Variants in GABRA3 observed in about 807,000 individuals in gnomAD.
The protein encoded by GABRA3 is gamma-aminobutyric acid type A receptor subunit alpha3.
A neutral mutation model predicts 30.1 loss-of-function variants in GABRA3; 10 were observed. The observed-to-expected ratio is 0.33, with a 90% confidence interval of 0.20 to 0.56. The LOEUF is 0.56. Ranked by LOEUF, GABRA3 falls within the 20% of genes least tolerant of loss-of-function variation. The pLI, the probability that GABRA3 is intolerant of heterozygous loss-of-function variation, is 0.89. For synonymous variants in GABRA3, 151 were observed against 146.8 expected (o/e 1.03, Z -0.21); for missense variants, 233 against 392.0 (o/e 0.59, Z 3.42).
rs150831540 is a variant in GABRA3, at chrX:152,192,746, G to T, written c.932-2805C>A. ...CCTCAGACACTACCACAAGGGCAAG[G>T]ATATTTGTTAATTCACTTTCAGTCA... On this transcript the variant is annotated intron_variant, in intron 8 of 9. Coordinates refer to ENST00000370314, the MANE Select transcript of GABRA3 (RefSeq NM_000808.4). 9.3e-3 allele frequency among the ~76,000 whole-genome samples: 1,035 copies of T among 111,231 alleles called. 4 individuals are homozygous for T. The highest frequency in any genetic ancestry group is 0.028 in the Middle Eastern group (6 of 214).
chrX:152,404,256 A>C (rs912676259), intron 1 of GABRA3, among the ~76,000 whole-genome samples: 1 of 111,503 alleles, frequency 9.0e-6, no homozygotes, highest in Non-Finnish European at 1.9e-5. Context: ...ACCACAGCAG[A>C]AAATTATAAA....
At position 152,223,278 on chromosome X, in the gene GABRA3, A is replaced by G. The variant is rs950870640; in HGVS notation, c.634+1485T>C. The stretch of plus-strand genomic sequence containing the variant: ...TATAGTTGTTAATGAAGGGAACACT[A>G]TTCACCAATAAACAACTCTGTCCTA... On this transcript the variant is annotated intron_variant, in intron 6 of 9. Transcript: ENST00000370314. Among the ~76,000 whole-genome samples the G allele has an allele frequency of 4.5e-5, 5 of 111,546 alleles. No homozygotes were observed. In the East Asian group the frequency reaches 1.4e-3, roughly 32 times the overall value.
intron 9 of GABRA3, chrX:152,186,791 A>T (rs185217339): frequency 9.2e-6 from 1 of 108,370 alleles, no homozygotes; most frequent in East Asian, 3.0e-4. Flanking sequence ...CCAGATAATT[A>T]TTAATTTTTT....
intron 4 of GABRA3, among the ~76,000 whole-genome samples, chrX:152,277,932 T>C (rs1253587459): frequency 9.0e-6 from 1 of 111,605 alleles, no homozygotes; most frequent in Non-Finnish European, 1.9e-5. Context: ...TAGCAGTGTA[T>C]GGGGCCAAGG....
At chrX:152,436,522 T>C (rs1930781476) in intron 1 of GABRA3, among the ~76,000 whole-genome samples, 1 of 111,527 alleles carries the variant, frequency 9.0e-6, no homozygotes, top group African/African-American at 3.3e-5. Context: ...AGCATGTTAG[T>C]TTCAAGGTTA....
chrX:152,322,369 GT>G (rs1939977563), intron 3 of GABRA3, among the ~76,000 whole-genome samples: 1 of 111,394 alleles, frequency 9.0e-6, no homozygotes, highest in African/African-American at 3.3e-5. Context: ...TGGATAAGGG[GT>G]TTTACTTTGG....
intron 1 of GABRA3, among the ~76,000 whole-genome samples, chrX:152,411,187 T>C (rs1434632247): frequency 9.1e-6 from 1 of 110,376 alleles, no homozygotes; most frequent in Admixed American, 9.7e-5. Context: ...TGGTGGTATG[T>C]GCCCGTAGTC....
intron 3 of GABRA3, among the ~76,000 whole-genome samples, chrX:152,314,467 T>C (rs1238987410): frequency 8.9e-6 from 1 of 112,459 alleles, no homozygotes; most frequent in Non-Finnish European, 1.9e-5. Context: ...GATGGCTTCA[T>C]AACATAATTT....
chrX:152,259,310 C>A (rs935438464), intron 4 of GABRA3, among the ~76,000 whole-genome samples: 1 of 111,382 alleles, frequency 9.0e-6, no homozygotes, highest in African/African-American at 3.3e-5. Flanking sequence ...ACAAGGGCAG[C>A]AACTCGTAGG....
chrX:152,196,145 G>A (rs1361255511), intron 8 of GABRA3, among the ~76,000 whole-genome samples: 1 of 107,750 alleles, frequency 9.3e-6, no homozygotes, highest in African/African-American at 3.4e-5. Flanking sequence ...AGCACTTTGG[G>A]AGGCTGAGAT....
At chrX:152,287,747 A>G (rs776715114) in intron 3 of GABRA3, among the ~76,000 whole-genome samples, 5 of 110,282 alleles carry the variant, frequency 4.5e-5, no homozygotes, top group Non-Finnish European at 7.6e-5. Flanking sequence ...TGCCTCCTCC[A>G]ATCCTCTTCT....
chrX:152,309,903 G>A (rs1202055830), intron 3 of GABRA3, among the ~76,000 whole-genome samples: 1 of 111,981 alleles, frequency 8.9e-6, no homozygotes, highest in African/African-American at 3.2e-5. Flanking sequence ...CACATGCAGT[G>A]ACACTCATAG....
chrX:152,174,151 T>C (rs1451221256), intron 9 of GABRA3, among the ~76,000 whole-genome samples: 1 of 111,300 alleles, frequency 9.0e-6, no homozygotes, highest in Admixed American at 9.5e-5. Context: ...TAGTATTCCA[T>C]GGTGTATATG....
intron 1 of GABRA3, chrX:152,393,461 A>G: frequency 2.6e-6 from 1 of 380,954 alleles, no homozygotes; most frequent in Non-Finnish European, 5.2e-6. Flanking sequence ...ACCATGGGGT[A>G]TGAGCAGACA....
intron 1 of GABRA3, among the ~76,000 whole-genome samples, chrX:152,406,013 G>A (rs1929926023): frequency 9.1e-6 from 1 of 110,195 alleles, no homozygotes; most frequent in African/African-American, 3.3e-5. Context: ...CAGGCTTTGC[G>A]GGGTAATCTA....
chrX:152,226,938 T>C (rs1175011825), intron 5 of GABRA3, among the ~76,000 whole-genome samples: 1 of 111,734 alleles, frequency 8.9e-6, no homozygotes, highest in Non-Finnish European at 1.9e-5. Flanking sequence ...TTGGTGGGAC[T>C]GTAAACTAGT....
rs183443064 is a variant in GABRA3 at position 152,235,350 on chromosome X, G to A, written c.552-10505C>T. Among the ~76,000 whole-genome samples the A allele has an allele frequency of 2.7e-5, 3 of 111,494 alleles. No homozygotes were observed. The Admixed American group carries it at 2.9e-4, about 11-fold the overall frequency. ...CTGAATTCATTTATCAAATTTAGGA[G>A]TCTTTTGGTAGAGTCTCTGGGATTT... On this transcript the variant is annotated intron_variant, in intron 5 of 9. Coordinates refer to ENST00000370314, the MANE Select transcript of GABRA3 (RefSeq NM_000808.4).
At chrX:152,391,239 A>G (rs1161832275) in intron 1 of GABRA3, among the ~76,000 whole-genome samples, 1 of 111,918 alleles carries the variant, frequency 8.9e-6, no homozygotes, top group Non-Finnish European at 1.9e-5. Flanking sequence ...GGAGTAGACA[A>G]TGACAACTGC....
chrX:152,239,008 A>T (rs1249770298), intron 5 of GABRA3, among the ~76,000 whole-genome samples: 1 of 108,497 alleles, frequency 9.2e-6, no homozygotes, highest in Non-Finnish European at 1.9e-5. Context: ...TTCTGCTCTG[A>T]TTTTAGTTAT....
Sources: allele counts gnomAD v4.1 joint callset (sites outside exome capture counted in the v4.1 genomes callset), GRCh38; gene constraint gnomAD v4.1.1; transcripts MANE v1.5; gene names NCBI Gene and HGNC (gene_info 2026-07-23, HGNC 2026-07-21).